FBRSL1: variants seen among roughly 807,000 people sequenced by gnomAD.
FBRSL1 encodes the protein fibrosin-1-like protein.
Under a neutral mutation model 89.6 loss-of-function variants are expected in FBRSL1, and 51 were observed. That is an observed-to-expected ratio of 0.57 (90% CI 0.45 to 0.72). FBRSL1 has a LOEUF of 0.72. Among genes scored for constraint, FBRSL1 ranks in the 30% least tolerant of loss-of-function variants. The pLI is 0.00. For missense variants in FBRSL1, 1,618 were observed against 1,451.8 expected, an observed-to-expected ratio of 1.11 and a Z score of -1.86; for synonymous variants, 779 against 681.1, an observed-to-expected ratio of 1.14 and a Z score of -2.24.
At chr12:132,504,680 G>A (rs1259782549) in intron 1 of FBRSL1, among the ~76,000 whole-genome samples, 2 of 152,166 alleles carry the variant, frequency 1.3e-5, no homozygotes, top group African/African-American at 4.8e-5. Context: ...GCCTGAGGCG[G>A]CCCTGGCTGG....
chr12:132,509,611 G>A (rs1055720451), intron 2 of FBRSL1: 20 of 1,231,564 alleles, frequency 1.6e-5, no homozygotes, highest in African/African-American at 6.2e-5. Context: ...CTGGCCCCAC[G>A]GTCCCTCCTG....
chr12:132,507,293 T>G (rs1014254079), intron 1 of FBRSL1: 1 of 985,356 alleles, frequency 1.0e-6, no homozygotes, highest in Non-Finnish European at 1.2e-6. Flanking sequence ...CGTGGACGCT[T>G]CTCCCTGGCC....
In FBRSL1 at chr12:132,546,555, G is replaced by A. The variant is rs956876898; in HGVS notation, c.616-1448G>A. Among the ~76,000 whole-genome samples, 6 of 151,082 alleles carry A rather than the reference G, an allele frequency of 4.0e-5. No homozygotes were observed. Among genetic ancestry groups the A allele is most frequent in the East Asian group, 3.9e-4 (2 of 5,138 alleles). ...TTGGCCACGGCTGAAAGGCCAGACC[G>A]GGGGGACCCTAGGAGAGGGCTTGGC... On this transcript the variant is annotated intron_variant, in intron 4 of 18. Transcript: ENST00000680143. The surrounding 1 kb of genome is among the most constrained non-coding windows in gnomAD (Gnocchi z 4.0).
At chr12:132,494,782 G>C (rs762849408) in intron 1 of FBRSL1, among the ~76,000 whole-genome samples, 34 of 152,204 alleles carry the variant, frequency 2.2e-4, no homozygotes, top group Non-Finnish European at 4.4e-4. Context: ...CCACGCAGAA[G>C]GTCCACGTGT....
At chr12:132,527,859 A>AAGGGCTG (rs1363615948) in intron 3 of FBRSL1, 94 bp from the exon 4 acceptor site, 14 of 1,214,100 alleles carry the variant, frequency 1.2e-5, no homozygotes, top group Non-Finnish European at 1.5e-5. Flanking sequence ...GGGCAGGGCT[A>AAGGGCTG]AGGGCTGAGG....
chr12:132,571,557 G>T (rs2040011091), intron 9 of FBRSL1: 2 of 1,326,162 alleles, frequency 1.5e-6, no homozygotes, highest in Non-Finnish European at 1.9e-6. Flanking sequence ...AGGGGGCGGG[G>T]GCGGGCGTGG....
intron 2 of FBRSL1, chr12:132,511,779 C>G: frequency 1.0e-6 from 1 of 985,424 alleles, no homozygotes; most frequent in Non-Finnish European, 1.2e-6. Flanking sequence ...CAGGCCCTCC[C>G]GGGTCCTGAC....
At chr12:132,562,910 A>G (rs967481517) in intron 5 of FBRSL1, among the ~76,000 whole-genome samples, 5 of 152,020 alleles carry the variant, frequency 3.3e-5, no homozygotes, top group African/African-American at 7.3e-5. Flanking sequence ...TTTCACTTCT[A>G]TGTTTGCGAT....
rs538988902 is a variant in FBRSL1, at chr12:132,581,428, G to GCC, written c.1835-4_1835-3dup. The GCC allele has an allele frequency of 4.5e-6, 7 of 1,549,488 alleles. No individual in the cohort carries two copies. The highest frequency in any genetic ancestry group is 4.4e-6 in the Non-Finnish European group (5 of 1,146,122). On this transcript the variant is annotated splice_polypyrimidine_tract_variant and intron_variant, in intron 15 of 18. Transcript: ENST00000680143. ...CTCCTGGCTTCTGTCAAACCTGGCT[G>GCC]CCCCCCCCAGGTGCCGCCCATCCTG...
chr12:132,543,802 C>T (rs547446395), intron 4 of FBRSL1, among the ~76,000 whole-genome samples: 7 of 152,222 alleles, frequency 4.6e-5, no homozygotes, highest in Non-Finnish European at 5.9e-5. Context: ...GCCACTCTCA[C>T]GGAGGACGAA....
intron 5 of FBRSL1, among the ~76,000 whole-genome samples, chr12:132,567,016 G>A (rs1461918323): frequency 6.6e-6 from 1 of 152,250 alleles, no homozygotes; most frequent in African/African-American, 2.4e-5. Context: ...ACTTTCGCCA[G>A]GGCGCCTGTG....
At chr12:132,544,780 G>A (rs1004817547) in intron 4 of FBRSL1, among the ~76,000 whole-genome samples, 4 of 151,990 alleles carry the variant, frequency 2.6e-5, no homozygotes, top group African/African-American at 9.7e-5. Flanking sequence ...GATGGCGATG[G>A]TGAGGATGAT....
intron 3 of FBRSL1, among the ~76,000 whole-genome samples, chr12:132,527,710 G>A (rs1301079764): frequency 7.2e-6 from 1 of 139,394 alleles, no homozygotes; most frequent in Non-Finnish European, 1.6e-5. Flanking sequence ...GGGGCTGTGG[G>A]GCAGGGTTGT....
intron 1 of FBRSL1, among the ~76,000 whole-genome samples, chr12:132,502,552 G>A (rs573755578): frequency 1.6e-3 from 251 of 152,176 alleles, no homozygotes; most frequent in Middle Eastern, 3.4e-3. Context: ...CTGGTCAGAG[G>A]GTGACTGGGC....
At chr12:132,564,306 G>A (rs1163849366) in intron 5 of FBRSL1, among the ~76,000 whole-genome samples, 1 of 152,186 alleles carries the variant, frequency 6.6e-6, no homozygotes, top group African/African-American at 2.4e-5. Context: ...TGGGATTCAG[G>A]GGAAGCAGCT....
chr12:132,505,313 GC>G (rs1002713483), intron 1 of FBRSL1, among the ~76,000 whole-genome samples: 21 of 152,198 alleles, frequency 1.4e-4, no homozygotes, highest in Non-Finnish European at 2.8e-4. Context: ...CTTCCACGGA[GC>G]CCAGGCATCC....
intron 5 of FBRSL1, among the ~76,000 whole-genome samples, chr12:132,549,582 G>A (rs555809909): frequency 3.9e-5 from 6 of 152,324 alleles, no homozygotes; most frequent in African/African-American, 9.6e-5. Context: ...TGCTCTGAGA[G>A]AGGCAGGAAG....
intron 2 of FBRSL1, among the ~76,000 whole-genome samples, chr12:132,515,669 G>A (rs1001970988): frequency 6.6e-5 from 10 of 152,142 alleles, no homozygotes; most frequent in African/African-American, 1.7e-4. Context: ...GGACCCCAAG[G>A]AGGGTGGATC....
At chr12:132,526,516 G>T (rs1046172830) in intron 3 of FBRSL1, among the ~76,000 whole-genome samples, 7 of 152,208 alleles carry the variant, frequency 4.6e-5, no homozygotes, top group South Asian at 2.1e-4. Flanking sequence ...GGAGCTGGCG[G>T]GTGGGCCCAT....
Sources: gnomAD v4.1 joint callset for allele counts (sites outside exome capture counted in the v4.1 genomes callset) on GRCh38, gnomAD v4.1.1 for gene constraint, Gnocchi (gnomAD v3.1) non-coding constraint, MANE v1.5 for transcripts, NCBI Gene and HGNC (gene_info 2026-07-23, HGNC 2026-07-21) for gene names.